GNAT2: variants seen among roughly 807,000 people sequenced by gnomAD.
GNAT2 encodes guanine nucleotide-binding protein G(t) subunit alpha-2.
Under a neutral mutation model 40.9 loss-of-function variants are expected in GNAT2, and 32 were observed. The observed-to-expected ratio is 0.78, with a 90% confidence interval of 0.59 to 1.05. GNAT2 has a LOEUF of 1.05. Ranked by LOEUF, GNAT2 falls within the 50% of genes least tolerant of loss-of-function variation. GNAT2 has a pLI of 0.00. For missense variants in GNAT2, 355 were observed against 431.5 expected (o/e 0.82, Z 1.57); for synonymous variants, 141 against 157.2 (o/e 0.90, Z 0.77).
rs765099163 is a variant in GNAT2, at chr1:109,605,979, A to G, written c.711T>C (p.Asp237=). Residue 237 remains aspartate, a synonymous_variant, in exon 7 of 9, where the codon GAT becomes GAC. Transcript: ENST00000679935. ...TGCAAAGGCCACTCACCACTTCGTC[A>G]TCTTCCACCAGCACCATATCATAGG... The part of the protein sequence containing the change: ...LSAYDMVLVE[D]DEVNRMHESL... The G allele has an allele frequency of 1.2e-6, 2 of 1,613,886 alleles. No homozygotes were observed. The highest frequency in any genetic ancestry group is 1.7e-6 in the Non-Finnish European group (2 of 1,179,846).
chr1:109,612,595 C>G lies in GNAT2; in HGVS notation c.118+158G>C, dbSNP rs1649830515. ...TGGCTGTTTAGGCCCCATATTAACT[C>G]AGCTCTAGATCTCCTGATCCCCTAG... is the stretch of plus-strand genomic sequence containing the variant. On this transcript the variant is annotated intron_variant, in intron 2 of 8. Transcript: ENST00000679935. The G allele has an allele frequency of 1.2e-5, 8 of 690,942 alleles. No individual in the cohort carries two copies. In the South Asian group the frequency reaches 1.2e-4, roughly 10 times the overall value. 42.8% of individuals were successfully genotyped at this position (690,942 alleles called of 1,614,324 possible).
At chr1:109,603,899 T>C in intron 8 of GNAT2, 52 bp downstream of exon 8, 1 of 1,316,146 alleles carries the variant, frequency 7.6e-7, no homozygotes, top group Non-Finnish European at 1.1e-6. Flanking sequence ...ATGAGACAAT[T>C]GCCAGTCTCT....
chr1:109,617,213 T>G (rs1438064747), intron 1 of GNAT2: 1 of 152,166 alleles, frequency 6.6e-6, no homozygotes, highest in Non-Finnish European at 1.5e-5. Flanking sequence ...CTCTCCCAAG[T>G]TTAGTATCTG....
intron 7 of GNAT2, chr1:109,605,634 A>C: frequency 2.9e-6 from 1 of 342,102 alleles, no homozygotes; most frequent in South Asian, 2.4e-5. Flanking sequence ...AATTTGGGAG[A>C]GTACTAAGTG....
intron 4 of GNAT2, chr1:109,609,128 C>A: frequency 2.7e-6 from 1 of 369,632 alleles, no homozygotes; most frequent in South Asian, 2.4e-5. Context: ...AATGTAAAGG[C>A]CAGATTGACC....
chr1:109,608,311 G>T (rs1649673000), intron 5 of GNAT2: 1 of 412,432 alleles, frequency 2.4e-6, no homozygotes, highest in African/African-American at 2.0e-5. Context: ...GAGGCTTAGT[G>T]TACACCTCAA....
chr1:109,606,018 A>G lies in GNAT2; in HGVS notation c.672T>C (p.Cys224=), dbSNP rs201230566. ...CFEGVTCIIF[C]AALSAYDMVL... ...CCATATCATAGGCACTGAGGGCTGC[A>G]CAGAAAATGATGCAGGTGACTCCCT... Residue 224 remains cysteine (C), a synonymous_variant, in exon 7 of 9, where the codon TGT becomes TGC. Transcript: ENST00000679935. The G allele has an allele frequency of 2.4e-5, 38 of 1,613,464 alleles. No homozygotes were observed. Among genetic ancestry groups the G allele is most frequent in the Non-Finnish European group, 3.1e-5 (37 of 1,179,456 alleles).
At chr1:109,610,718 G>C in intron 2 of GNAT2, 1 of 625,446 alleles carries the variant, frequency 1.6e-6, no homozygotes, top group Non-Finnish European at 2.9e-6. Context: ...GTACTATTTA[G>C]TTTGGGCTGT....
chr1:109,606,271 C>T (rs373111837), intron 6 of GNAT2, 37 bp downstream of exon 6: 16 of 1,610,384 alleles, frequency 9.9e-6, no homozygotes, highest in African/African-American at 5.3e-5. Context: ...GGATTCCACA[C>T]GTGTATCCGA....
intron 1 of GNAT2, chr1:109,616,842 G>C (rs1263914000): frequency 6.6e-6 from 1 of 152,268 alleles, no homozygotes; most frequent in Non-Finnish European, 1.5e-5. Context: ...AAAGTACAAG[G>C]TGTGCTCAGA....
rs918780641 is a variant in GNAT2 at position 109,603,154 on chromosome 1, C to T, written c.*200G>A. The T allele has an allele frequency of 2.1e-5, 4 of 195,010 alleles. No homozygotes were observed. Among genetic ancestry groups the T allele is most frequent in the African/African-American group, 4.6e-5 (2 of 43,622 alleles). 12.1% of individuals were successfully genotyped at this position (195,010 alleles called of 1,614,324 possible). A position where few individuals can be genotyped will look rare whatever the true frequency, so the allele number is the denominator to read the frequency against. ...TACTGGAACCTGGGGGGTCTTCTAA[C>T]TACTGGCCTGTGCTCTTTAAGCTGC... On this transcript the variant is annotated 3_prime_UTR_variant, in exon 9 of 9. Transcript: ENST00000679935.
chr1:109,609,961 T>G, intron 4 of GNAT2, 79 bp downstream of exon 4: 3 of 1,372,534 alleles, frequency 2.2e-6, no homozygotes, highest in South Asian at 1.2e-5. Context: ...TCTTTCCATA[T>G]AGTTTGTTGG....
chr1:109,618,285 G>A (rs1430686031), intron 1 of GNAT2: 4 of 152,044 alleles, frequency 2.6e-5, no homozygotes, highest in Non-Finnish European at 5.9e-5. Flanking sequence ...ACTTTATATT[G>A]TAAACATTTC....
At chr1:109,608,599 C>T (rs747991149) in intron 5 of GNAT2, 32 bp downstream of exon 5, 2 of 1,602,100 alleles carry the variant, frequency 1.2e-6, no homozygotes, top group Non-Finnish European at 1.7e-6. Context: ...ATTGCTTAAG[C>T]ATCAACCCAC....
chr1:109,615,209 A>G (rs915043193), intron 1 of GNAT2: 1 of 152,236 alleles, frequency 6.6e-6, no homozygotes, highest in East Asian at 1.9e-4. Context: ...GAGTTAAGTA[A>G]CTCATTTAAA....
intron 2 of GNAT2, chr1:109,612,432 A>G: frequency 5.3e-6 from 2 of 377,038 alleles, no homozygotes; most frequent in South Asian, 2.2e-5. Flanking sequence ...CTGCAAGTCC[A>G]GGGTCCTTGA....
intron 3 of GNAT2, 55 bp from the exon 4 acceptor site, chr1:109,610,236 G>C: frequency 1.3e-6 from 2 of 1,581,434 alleles, no homozygotes; most frequent in Non-Finnish European, 1.7e-6. Context: ...AGACCTAAGG[G>C]ATTAGGAATT....
chr1:109,614,186 T>G (rs1185612230), intron 1 of GNAT2: 1 of 152,240 alleles, frequency 6.6e-6, no homozygotes, highest in East Asian at 1.9e-4. Context: ...CCAGAACTTC[T>G]GATTCAGAAT....
At position 109,612,941 on chromosome 1, in the gene GNAT2, G is replaced by A; in HGVS notation, c.-53-18C>T. 1 of 1,068,980 alleles carries A rather than the reference G, an allele frequency of 9.4e-7. No individual in the cohort carries two copies. Among genetic ancestry groups the A allele is most frequent in the Non-Finnish European group, 1.5e-6 (1 of 688,308 alleles). 66.2% of individuals were successfully genotyped at this position (1,068,980 alleles called of 1,614,324 possible). On this transcript the variant is annotated intron_variant, in intron 1 of 8. Transcript: ENST00000679935. ...AAGGTTTCCTGTATGTGAGATGGAA[G>A]AGAAGGAAAAAAGTTGGGATTGAGT...
Sources: allele counts gnomAD v4.1 joint callset, GRCh38; gene constraint gnomAD v4.1.1; transcripts MANE v1.5; gene names NCBI Gene and HGNC (gene_info 2026-07-23, HGNC 2026-07-21).